Variants in TTC6 observed in about 807,000 individuals in gnomAD.
TTC6 encodes the protein tetratricopeptide repeat protein 6.
TTC6 carries 172 observed loss-of-function variants against 210.4 expected under a neutral mutation model. The ratio of observed to expected loss-of-function variants is 0.82; its 90% CI spans 0.72 to 0.93. The LOEUF (loss-of-function observed/expected upper bound fraction) is 0.93, where lower values mean the gene tolerates loss of function less well. Among genes scored for constraint, TTC6 ranks in the 40% least tolerant of loss-of-function variants. TTC6 has a pLI of 0.00. For synonymous variants in TTC6, 804 were observed against 819.6 expected (o/e 0.98, Z 0.32); for missense variants, 2,414 against 2,318.1 (o/e 1.04, Z -0.85).
rs1053031124 is a variant in TTC6, at chr14:37,737,656, A to T, written c.1909-4A>T. On this transcript the variant is annotated splice_region_variant and splice_polypyrimidine_tract_variant and intron_variant, in intron 8 of 30. Coordinates refer to ENST00000553443, the Ensembl canonical transcript of TTC6. ...TGTATATTTTTCATTTGATTATTTC[A>T]CAGTGTTTCTTACCAAGAAAATCTG... 6.7e-7 allele frequency: 1 copy of T among 1,499,400 alleles called. No individual in the cohort carries two copies. Among genetic ancestry groups the T allele is most frequent in the African/African-American group, 1.4e-5 (1 of 72,280 alleles). 92.9% of individuals were successfully genotyped at this position (1,499,400 alleles called of 1,614,324 possible).
chr14:37,688,304 A>G (rs2095797588), intron 3 of TTC6, among the ~76,000 whole-genome samples: 1 of 152,250 alleles, frequency 6.6e-6, no homozygotes, highest in African/African-American at 2.4e-5. Context: ...ATGGACGTCT[A>G]AGGTTTTTGA....
intron 14 of TTC6, among the ~76,000 whole-genome samples, chr14:37,775,648 G>A (rs1446023109): frequency 2.0e-5 from 3 of 152,124 alleles, no homozygotes; most frequent in Non-Finnish European, 2.9e-5. Flanking sequence ...TTGGTCAAAT[G>A]TCAGGTTCAA....
chr14:37,771,098 A>T (rs1449777165), intron 14 of TTC6, among the ~76,000 whole-genome samples: 1 of 150,614 alleles, frequency 6.6e-6, no homozygotes, highest in East Asian at 2.0e-4. Context: ...TCTGGGTTGA[A>T]AATTCTTTTC....
At chr14:37,785,253 G>T (rs1331648186) in intron 14 of TTC6, among the ~76,000 whole-genome samples, 5 of 152,064 alleles carry the variant, frequency 3.3e-5, no homozygotes, top group Admixed American at 3.3e-4. Flanking sequence ...TCACTTTCAG[G>T]TACACCAATC....
intron 6 of TTC6, among the ~76,000 whole-genome samples, chr14:37,719,044 T>A (rs1293976151): frequency 2.0e-5 from 3 of 152,196 alleles, no homozygotes; most frequent in South Asian, 2.1e-4. Flanking sequence ...ATTCATTATA[T>A]TTCTGTGTGT....
At chr14:37,816,660 T>A (rs2096142649) in intron 25 of TTC6, among the ~76,000 whole-genome samples, 1 of 152,198 alleles carries the variant, frequency 6.6e-6, no homozygotes, top group Non-Finnish European at 1.5e-5. Flanking sequence ...CCTTCCTATA[T>A]TATAGCAATC....
intron 1 of TTC6, among the ~76,000 whole-genome samples, chr14:37,661,704 G>A (rs1447120745): frequency 6.6e-6 from 1 of 152,052 alleles, no homozygotes; most frequent in Non-Finnish European, 1.5e-5. Context: ...CTAATTCTGT[G>A]AAGAATTTCA....
At chr14:37,840,263 A>T (rs934129660) in intron 29 of TTC6, among the ~76,000 whole-genome samples, 1 of 152,222 alleles carries the variant, frequency 6.6e-6, no homozygotes, top group African/African-American at 2.4e-5. Context: ...ATTCCTGGAC[A>T]CATACACCCT....
intron 14 of TTC6, among the ~76,000 whole-genome samples, chr14:37,773,441 T>C (rs891786654): frequency 1.3e-5 from 2 of 152,112 alleles, no homozygotes; most frequent in Non-Finnish European, 2.9e-5. Context: ...TTTTTGTATA[T>C]ACTGTAAGGT....
At chr14:37,801,092 T>G (rs879452074) in intron 20 of TTC6, among the ~76,000 whole-genome samples, 1 of 152,198 alleles carries the variant, frequency 6.6e-6, no homozygotes, top group Admixed American at 6.5e-5. Flanking sequence ...TCTTCCATTT[T>G]CCCCTTTTTA....
intron 2 of TTC6, among the ~76,000 whole-genome samples, chr14:37,607,858 A>C (rs1444094896): frequency 2.0e-5 from 3 of 152,174 alleles, no homozygotes; most frequent in Admixed American, 2.0e-4. Context: ...TATTTAAGAC[A>C]TTTGAGACAT....
At chr14:37,605,228 T>C (rs1031320302) in intron 1 of TTC6, among the ~76,000 whole-genome samples, 1 of 152,156 alleles carries the variant, frequency 6.6e-6, no homozygotes, top group Non-Finnish European at 1.5e-5. Context: ...TTGATGAAGT[T>C]TGGAAGGGCT....
At chr14:37,732,975 G>T (rs560363388) in intron 7 of TTC6, among the ~76,000 whole-genome samples, 3 of 151,964 alleles carry the variant, frequency 2.0e-5, no homozygotes, top group Admixed American at 6.6e-5. Flanking sequence ...GCTGTTACAG[G>T]GGTGGCAGAG....
chr14:37,691,788 A>G (rs1045599292), intron 3 of TTC6, among the ~76,000 whole-genome samples: 9 of 152,154 alleles, frequency 5.9e-5, no homozygotes, highest in Non-Finnish European at 1.0e-4. Context: ...AAATTAATAA[A>G]CCTTTAGCCA....
At chr14:37,751,196 A>G (rs1373459048) in exon 13 of TTC6, 5 of 1,528,666 alleles carry the variant, frequency 3.3e-6, no homozygotes, top group East Asian at 4.9e-5. Context: ...AATAACAAAC[A>G]AAGTACTGGC....
chr14:37,827,145 A>G, intron 28 of TTC6, 51 bp from the exon 31 acceptor site: 16 of 1,443,630 alleles, frequency 1.1e-5, no homozygotes, highest in Non-Finnish European at 1.4e-5. Flanking sequence ...ACATGACATC[A>G]GAGGTAAATA....
chr14:37,629,505 G>C (rs1043779377), intron 1 of TTC6, among the ~76,000 whole-genome samples: 4 of 152,050 alleles, frequency 2.6e-5, no homozygotes, highest in Non-Finnish European at 5.9e-5. Context: ...GGAGATTTTG[G>C]GCTGAGAGGA....
At chr14:37,636,008 AAAAG>A (rs1408982977) in intron 1 of TTC6, among the ~76,000 whole-genome samples, 7 of 151,520 alleles carry the variant, frequency 4.6e-5, no homozygotes, top group African/African-American at 1.7e-4. Flanking sequence ...AAAGAAAAAA[AAAAG>A]AAAATTACCA....
chr14:37,781,942 T>A (rs61977156), intron 14 of TTC6, among the ~76,000 whole-genome samples: 50 of 151,974 alleles, frequency 3.3e-4, no homozygotes, highest in Non-Finnish European at 6.9e-4. Flanking sequence ...GTTGTAGGAG[T>A]GTGGTATTAT....
Sources: allele counts gnomAD v4.1 joint callset (sites outside exome capture counted in the v4.1 genomes callset), GRCh38; gene constraint gnomAD v4.1.1; transcripts MANE v1.5; gene names NCBI Gene and HGNC (gene_info 2026-07-23, HGNC 2026-07-21).